HDAC4: variants seen among roughly 807,000 people sequenced by gnomAD.
HDAC4 encodes the protein histone deacetylase A.
HDAC4 carries 16 observed loss-of-function variants against 135.1 expected under a neutral mutation model. That is an observed-to-expected ratio of 0.12 (90% CI 0.08 to 0.18). The LOEUF is 0.18. Among genes scored for constraint, HDAC4 ranks in the 10% least tolerant of loss-of-function variants. HDAC4 has a pLI of 1.00. For synonymous variants in HDAC4, 685 were observed against 653.4 expected, an observed-to-expected ratio of 1.05 and a Z score of -0.74; for missense variants, 1,143 against 1,511.8, an observed-to-expected ratio of 0.76 and a Z score of 4.05.
intron 13 of HDAC4, 128 bp downstream of exon 13, chr2:239,114,925 G>T (rs2038996395): frequency 8.9e-7 from 1 of 1,129,648 alleles, no homozygotes; most frequent in Non-Finnish European, 1.3e-6. Context: ...GACAAGACAG[G>T]TGAGACACTG....
In HDAC4 at chr2:239,082,090, T is replaced by C. The variant is rs1186432951; in HGVS notation, c.2652+12A>G. 1.9e-6 allele frequency: 3 copies of C among 1,609,880 alleles called. No individual in the cohort carries two copies. Among genetic ancestry groups the C allele is most frequent in the East Asian group, 2.2e-5 (1 of 44,598 alleles). On this transcript the variant is annotated intron_variant, in intron 21 of 26. Transcript: ENST00000543185. The stretch of plus-strand genomic sequence containing the variant: ...CCCTTTCCCCCCAGAGGCCCTTATA[T>C]ACCCCACCTACCTCATCAGGAGCCC...
In HDAC4 at chr2:239,313,294, G is replaced by T. The variant is rs1215071544; in HGVS notation, c.22+39384C>A. 6.6e-6 allele frequency among the ~76,000 whole-genome samples: 1 copy of T among 152,186 alleles called. No individual in the cohort carries two copies. The highest frequency in any genetic ancestry group is 1.5e-5 in the Non-Finnish European group (1 of 68,028). On this transcript the variant is annotated intron_variant, in intron 2 of 26. Transcript: ENST00000543185. This position sits in a 1 kb window ranked among gnomAD's most constrained non-coding sequence, Gnocchi z 5.1. ...ACAAAAGTACTTAACAAAATGCGCTGATGTAAATGTCCCTGCAGCAGCCAG... is the reference window on the plus strand; with the variant it reads ...ACAAAAGTACTTAACAAAATGCGCTTATGTAAATGTCCCTGCAGCAGCCAG...
At chr2:239,222,052 T>A (rs1334077657) in intron 3 of HDAC4, among the ~76,000 whole-genome samples, 1 of 152,224 alleles carries the variant, frequency 6.6e-6, no homozygotes, top group Non-Finnish European at 1.5e-5. Context: ...CTTGCTGCCA[T>A]AAGGGGCTCC....
intron 2 of HDAC4, among the ~76,000 whole-genome samples, chr2:239,314,156 C>T (rs2125720568): frequency 6.6e-6 from 1 of 152,272 alleles, no homozygotes; most frequent in Middle Eastern, 3.4e-3. Context: ...CAGGTGGCAC[C>T]TCCCAGCACC....
chr2:239,382,652 C>T (rs1481618603), intron 1 of HDAC4, among the ~76,000 whole-genome samples: 1 of 152,204 alleles, frequency 6.6e-6, no homozygotes, highest in Non-Finnish European at 1.5e-5. Context: ...GCCCAGGGGT[C>T]CTGTGGGTGG....
Position 239,052,993 on chromosome 2 carries a change from CAA to C in HDAC4, c.*102_*103del. The C allele has an allele frequency of 7.1e-7, 1 of 1,400,892 alleles. No individual in the cohort carries two copies. The highest frequency in any genetic ancestry group is 1.2e-5 in the South Asian group (1 of 86,794). 86.8% of individuals were successfully genotyped at this position (1,400,892 alleles called of 1,614,324 possible). A position where few individuals can be genotyped will look rare whatever the true frequency, so the allele number is the denominator to read the frequency against. On this transcript the variant is annotated 3_prime_UTR_variant, in exon 27 of 27. Transcript: ENST00000543185. ...GCACGCTGGGTGTCCCTGGGTGCTC[CAA>C]GAGAGCCCCACGGTGGGACGCAGGC...
chr2:239,168,004 G>A (rs1437968977), intron 5 of HDAC4, among the ~76,000 whole-genome samples: 4 of 152,202 alleles, frequency 2.6e-5, no homozygotes, highest in Non-Finnish European at 5.9e-5. Flanking sequence ...GGGGAGGGAC[G>A]GCTGTGCTCC....
chr2:239,170,598 C>A (rs931705577), intron 5 of HDAC4, among the ~76,000 whole-genome samples: 1 of 152,180 alleles, frequency 6.6e-6, no homozygotes, highest in African/African-American at 2.4e-5. Context: ...GTACTCCAAG[C>A]ACATGGTGTT....
intron 24 of HDAC4, among the ~76,000 whole-genome samples, chr2:239,061,278 G>C (rs1186474669): frequency 1.3e-5 from 2 of 151,746 alleles, no homozygotes; most frequent in African/African-American, 4.8e-5. Flanking sequence ...GCAGATGTGA[G>C]ACTGGTGCTT....
rs1172539902 is a variant in HDAC4 at position 239,240,077 on chromosome 2, G to A, written c.23-3413C>T. On this transcript the variant is annotated intron_variant, in intron 2 of 26. Transcript: ENST00000543185. This position sits in a 1 kb window ranked among gnomAD's most constrained non-coding sequence, Gnocchi z 4.5. ...GCATCCCTCATTATGAAAGGCTGGGGCTCAGGGCAGCAGCCATGATCGAGA... is the reference window on the plus strand; with the variant it reads ...GCATCCCTCATTATGAAAGGCTGGGACTCAGGGCAGCAGCCATGATCGAGA... Among the ~76,000 whole-genome samples the A allele has an allele frequency of 3.3e-5, 5 of 152,268 alleles. No homozygotes were observed. The highest frequency in any genetic ancestry group is 1.2e-4 in the African/African-American group (5 of 41,478).
intron 2 of HDAC4, among the ~76,000 whole-genome samples, chr2:239,348,934 A>G (rs888502208): frequency 6.6e-6 from 1 of 152,150 alleles, no homozygotes; most frequent in African/African-American, 2.4e-5. Context: ...CACAAAACTC[A>G]CCCAGCAGCA....
intron 3 of HDAC4, among the ~76,000 whole-genome samples, chr2:239,215,243 C>G (rs376085977): frequency 6.6e-6 from 1 of 152,090 alleles, no homozygotes; most frequent in African/African-American, 2.4e-5. Flanking sequence ...GTGGCCGGGG[C>G]GGGGGAAGGT....
At chr2:239,066,606 T>C in intron 24 of HDAC4, 116 bp downstream of exon 24, 2 of 1,367,938 alleles carry the variant, frequency 1.5e-6, no homozygotes, top group Non-Finnish European at 2.1e-6. Context: ...GCTGCAAGCA[T>C]CCACGTGGTC....
chr2:239,130,863 G>A (rs1033491268), intron 11 of HDAC4, among the ~76,000 whole-genome samples: 4 of 152,172 alleles, frequency 2.6e-5, no homozygotes, highest in Non-Finnish European at 4.4e-5. Flanking sequence ...TCAGCCACAC[G>A]GGCATCATAA....
chr2:239,121,822 C>T (rs748952972), intron 12 of HDAC4, among the ~76,000 whole-genome samples: 19 of 152,212 alleles, frequency 1.2e-4, no homozygotes, highest in Non-Finnish European at 2.1e-4. Flanking sequence ...TGGGCCATGG[C>T]TGCAAACAAA....
chr2:239,093,078 A>G (rs4852018), intron 17 of HDAC4, among the ~76,000 whole-genome samples: 89,611 of 152,032 alleles, frequency 0.59, 26,900 homozygotes, highest in African/African-American at 0.7. Flanking sequence ...AGAGCAGGCC[A>G]GGACTCCGCT....
chr2:239,396,136 C>T (rs1049399777), intron 1 of HDAC4, among the ~76,000 whole-genome samples: 96 of 151,484 alleles, frequency 6.3e-4, no homozygotes, highest in African/African-American at 2.3e-3. Context: ...GACGTCATGC[C>T]TGATTTTTTT....
rs2051798048 is a variant in HDAC4, at chr2:239,295,199, T to G, written c.22+57479A>C. Among the ~76,000 whole-genome samples the G allele has an allele frequency of 2.0e-5, 3 of 146,726 alleles. No individual in the cohort carries two copies. The South Asian group carries it at 6.5e-4, about 32-fold the overall frequency. ...GCGGGCGCCTGTAGTCCCAGCTACT[T>G]GGGAGGCTGAGGCAGGAGAATGGCG... On this transcript the variant is annotated intron_variant, in intron 2 of 26. Transcript: ENST00000543185.
At chr2:239,094,584 G>C in intron 17 of HDAC4, 1 of 1,121,472 alleles carries the variant, frequency 8.9e-7, no homozygotes, top group Non-Finnish European at 1.1e-6. Context: ...CGTGGCCCAT[G>C]AGTATCACGG....
Sources: allele counts gnomAD v4.1 joint callset (sites outside exome capture counted in the v4.1 genomes callset), GRCh38; gene constraint gnomAD v4.1.1; non-coding constraint Gnocchi (gnomAD v3.1); transcripts MANE v1.5; gene names NCBI Gene and HGNC (gene_info 2026-07-23, HGNC 2026-07-21).